Variants in STAG1 observed in about 807,000 individuals in gnomAD.
STAG1 encodes cohesin subunit SA-1.
In STAG1, 26 loss-of-function variants were observed where a neutral mutation model predicts 170.9. The ratio of observed to expected loss-of-function variants is 0.15; its 90% confidence interval spans 0.11 to 0.21. The LOEUF is 0.21. STAG1 is among the 10% of genes least tolerant of loss of function. The pLI is 1.00. For synonymous variants in STAG1, 514 were observed against 497.7 expected (o/e 1.03, Z -0.44); for missense variants, 964 against 1,509.5 (o/e 0.64, Z 5.99).
chr3:136,538,887 C>T (rs1378500620), intron 6 of STAG1, among the ~76,000 whole-genome samples: 2 of 152,100 alleles, frequency 1.3e-5, no homozygotes, highest in African/African-American at 2.4e-5. Context: ...GTAATCCCAG[C>T]ACTTTGGGAG....
At position 136,641,655 on chromosome 3, in the gene STAG1, G is replaced by A. The variant is rs150418843; in HGVS notation, c.-83-10674C>T. Among the ~76,000 whole-genome samples the A allele has an allele frequency of 5.8e-4, 88 of 152,308 alleles. No individual in the cohort carries two copies. The East Asian group carries it at 0.015, about 26-fold the overall frequency. ...CATGAAACAGTAAGGCTAAGGAACTGTCCCTGATTACAGGAGAGGCATAAA... is the reference window on the plus strand; with the variant it reads ...CATGAAACAGTAAGGCTAAGGAACTATCCCTGATTACAGGAGAGGCATAAA... On this transcript the variant is annotated intron_variant, in intron 1 of 33. Transcript: ENST00000383202.
intron 16 of STAG1, among the ~76,000 whole-genome samples, chr3:136,424,271 G>C (rs1027404151): frequency 1.3e-5 from 2 of 150,498 alleles, no homozygotes; most frequent in Non-Finnish European, 3.0e-5. Context: ...ATTTGACAAT[G>C]TATGAAACAT....
chr3:136,553,812 A>G (rs2107741975), intron 5 of STAG1, among the ~76,000 whole-genome samples: 1 of 152,324 alleles, frequency 6.6e-6, no homozygotes, highest in African/African-American at 2.4e-5. Context: ...AGAAAGACAA[A>G]TTCTTTGGTA....
intron 14 of STAG1, among the ~76,000 whole-genome samples, chr3:136,449,416 C>T (rs890012747): frequency 6.6e-6 from 1 of 151,952 alleles, no homozygotes; most frequent in African/African-American, 2.4e-5. Context: ...CAAAAATTAG[C>T]CAAGCATGGT....
At chr3:136,742,488 C>T (rs919306713) in intron 1 of STAG1, among the ~76,000 whole-genome samples, 2 of 151,888 alleles carry the variant, frequency 1.3e-5, no homozygotes, top group Admixed American at 6.6e-5. Context: ...CTGAGGCAGG[C>T]GGATCCTTGA....
At chr3:136,356,957 A>AT (rs1292899996) in intron 28 of STAG1, among the ~76,000 whole-genome samples, 1 of 140,988 alleles carries the variant, frequency 7.1e-6, no homozygotes, top group Non-Finnish European at 1.6e-5. Flanking sequence ...ATTTTATTTT[A>AT]TTTTTTTTGA....
At chr3:136,724,542 C>T (rs1933546180) in intron 1 of STAG1, among the ~76,000 whole-genome samples, 1 of 150,454 alleles carries the variant, frequency 6.6e-6, no homozygotes, top group South Asian at 2.1e-4. Context: ...CCTCCCTCCA[C>T]TATTGTCCTA....
chr3:136,529,742 G>A (rs1263699603), intron 6 of STAG1, among the ~76,000 whole-genome samples: 1 of 152,048 alleles, frequency 6.6e-6, no homozygotes, highest in Non-Finnish European at 1.5e-5. Context: ...ACACACATAT[G>A]AGGAAGATAA....
At chr3:136,478,170 C>A (rs552718204) in intron 9 of STAG1, among the ~76,000 whole-genome samples, 1 of 152,282 alleles carries the variant, frequency 6.6e-6, no homozygotes, top group South Asian at 2.1e-4. Context: ...ACAGGTCTTT[C>A]ATCTGTAATA....
chr3:136,704,821 C>CAAAAAAAAGAAA (rs1943178662), intron 1 of STAG1, among the ~76,000 whole-genome samples: 1 of 51,424 alleles, frequency 1.9e-5, no homozygotes, highest in African/African-American at 7.4e-5. Flanking sequence ...GTCCCTGTCT[C>CAAAAAAAAGAAA]AAAAAAAAAA....
chr3:136,337,628 A>G lies in STAG1; in HGVS notation c.*626T>C, dbSNP rs1397172886. 1 of 152,662 alleles carries G rather than the reference A, an allele frequency of 6.6e-6. No homozygotes were observed. The highest frequency in any genetic ancestry group is 1.5e-5 in the Non-Finnish European group (1 of 68,048). The allele number at this position is 152,662 out of a possible 1,614,324, so 9.5% of individuals were successfully genotyped here. On this transcript the variant is annotated 3_prime_UTR_variant, in exon 34 of 34. Transcript: ENST00000383202. ...ATATAAAATCTGGGAATTCATATCC[A>G]TATCCACAGAGGGTGTGTGGTTTTT... is the stretch of plus-strand genomic sequence containing the variant.
intron 1 of STAG1, among the ~76,000 whole-genome samples, chr3:136,679,544 C>T (rs1043265569): frequency 1.4e-4 from 21 of 151,876 alleles, no homozygotes; most frequent in African/African-American, 7.3e-5. Flanking sequence ...CTGGATAACA[C>T]AGTGAAACCC....
chr3:136,450,151 T>A (rs2088896138), intron 14 of STAG1, among the ~76,000 whole-genome samples: 1 of 152,200 alleles, frequency 6.6e-6, no homozygotes, highest in South Asian at 2.1e-4. Context: ...ACTAAAAAAA[T>A]TCACACTTTG....
chr3:136,375,390 A>C (rs1044952908), intron 23 of STAG1, among the ~76,000 whole-genome samples: 4 of 152,214 alleles, frequency 2.6e-5, no homozygotes, highest in Non-Finnish European at 5.9e-5. Flanking sequence ...TGAAACTTCC[A>C]AACAATCCAC....
In STAG1 at chr3:136,340,493, G is replaced by A. The variant is rs778261236; in HGVS notation, c.3670C>T (p.Leu1224=). The A allele has an allele frequency of 1.3e-5, 20 of 1,589,064 alleles. No individual in the cohort carries two copies. The highest frequency in any genetic ancestry group is 1.6e-5 in the Non-Finnish European group (19 of 1,157,310). Residue 1224 remains leucine, a splice_region_variant and synonymous_variant, in exon 32 of 34, where the codon CTG becomes TTG. Coordinates refer to ENST00000383202, the MANE Select transcript of STAG1 (RefSeq NM_005862.3). Reference sequence around the variant, plus strand: ...AAAAATATAGTGAATTTCTCTACCAGATCAATAACCATGGTGTCCTCAAAT... The same window carrying A: ...AAAAATATAGTGAATTTCTCTACCAAATCAATAACCATGGTGTCCTCAAAT... ...EEFEDTMVID[L]PPSRNRRERA...
chr3:136,431,903 A>G (rs1201931472), intron 16 of STAG1, among the ~76,000 whole-genome samples: 1 of 151,982 alleles, frequency 6.6e-6, no homozygotes. Flanking sequence ...TTTTGTGTTT[A>G]TTTTATTTGG....
At chr3:136,515,086 T>C (rs1473097185) in intron 7 of STAG1, among the ~76,000 whole-genome samples, 1 of 151,964 alleles carries the variant, frequency 6.6e-6, no homozygotes, top group Non-Finnish European at 1.5e-5. Context: ...AACGTTGGGC[T>C]GGGCATGGTT....
At chr3:136,622,961 A>G (rs1939933828) in intron 3 of STAG1, among the ~76,000 whole-genome samples, 185 bp downstream of exon 3, 1 of 152,212 alleles carries the variant, frequency 6.6e-6, no homozygotes, top group Non-Finnish European at 1.5e-5. Flanking sequence ...ACAAAATCAT[A>G]CTACAATCAT....
chr3:136,438,475 T>C (rs575219030), intron 15 of STAG1, among the ~76,000 whole-genome samples: 1 of 152,204 alleles, frequency 6.6e-6, no homozygotes, highest in East Asian at 1.9e-4. Flanking sequence ...TCCGCCCGCC[T>C]TGGCTCCCCA....
Sources: allele counts gnomAD v4.1 joint callset (sites outside exome capture counted in the v4.1 genomes callset), GRCh38; gene constraint gnomAD v4.1.1; transcripts MANE v1.5; gene names NCBI Gene and HGNC (gene_info 2026-07-23, HGNC 2026-07-21).